Variants in PSD3 observed in about 807,000 individuals in gnomAD.
PSD3 encodes pleckstrin and Sec7 domain containing 3, also known as PH and SEC7 domain-containing protein 3.
A neutral mutation model predicts 105.5 loss-of-function variants in PSD3; 49 were observed. The observed-to-expected ratio is 0.46, with a 90% confidence interval of 0.37 to 0.59. The LOEUF is 0.59. PSD3 is among the 20% of genes least tolerant of loss of function. The pLI is 0.00. For missense variants in PSD3, 1,561 were observed against 1,263.8 expected (o/e 1.24, Z -3.57); for synonymous variants, 557 against 457.8 (o/e 1.22, Z -2.77).
intron 2 of PSD3, among the ~76,000 whole-genome samples, chr8:18,926,451 C>G (rs1821366983): frequency 6.6e-6 from 1 of 151,978 alleles, no homozygotes; most frequent in Non-Finnish European, 1.5e-5. Context: ...AATCCAAAAT[C>G]TGAACTCCTT....
At chr8:18,904,780 T>C (rs912064788) in intron 2 of PSD3, among the ~76,000 whole-genome samples, 2 of 152,212 alleles carry the variant, frequency 1.3e-5, no homozygotes, top group African/African-American at 2.4e-5. Context: ...CACGCAACTT[T>C]GCCATTGCAA....
At chr8:18,879,935 A>G (rs1252746385) in intron 2 of PSD3, among the ~76,000 whole-genome samples, 2 of 152,154 alleles carry the variant, frequency 1.3e-5, no homozygotes, top group Non-Finnish European at 2.9e-5. Context: ...GTTAACAAAT[A>G]TAATGAAGAA....
chr8:19,028,014 G>C (rs1194859329), intron 1 of PSD3, among the ~76,000 whole-genome samples: 1 of 152,104 alleles, frequency 6.6e-6, no homozygotes, highest in Non-Finnish European at 1.5e-5. Context: ...AAATCTGCCA[G>C]TTTTCCAAAG....
chr8:18,670,058 T>C (rs149230743), intron 9 of PSD3, among the ~76,000 whole-genome samples: 5 of 152,302 alleles, frequency 3.3e-5, no homozygotes, highest in African/African-American at 1.2e-4. Context: ...CACTTTCTGG[T>C]AGGCTACCAG....
intron 8 of PSD3, among the ~76,000 whole-genome samples, chr8:18,780,576 G>A (rs952069390): frequency 2.0e-5 from 3 of 151,736 alleles, no homozygotes; most frequent in Non-Finnish European, 2.9e-5. Context: ...TTGTGAGACC[G>A]ACACTCACTC....
intron 15 of PSD3, among the ~76,000 whole-genome samples, chr8:18,551,950 C>A (rs17694569): frequency 0.14 from 20,714 of 152,118 alleles, 1,645 homozygotes; most frequent in East Asian, 0.33. Flanking sequence ...AGAGCAATGA[C>A]ACTTACTGTA....
chr8:19,022,739 G>C (rs1827403511), intron 1 of PSD3, among the ~76,000 whole-genome samples: 1 of 152,170 alleles, frequency 6.6e-6, no homozygotes, highest in Non-Finnish European at 1.5e-5. Flanking sequence ...TCTTCCAGTG[G>C]AGAGTAGAGC....
intron 1 of PSD3, among the ~76,000 whole-genome samples, chr8:18,996,930 G>A (rs538820501): frequency 2.4e-4 from 36 of 151,636 alleles, no homozygotes; most frequent in Non-Finnish European, 4.7e-4. Context: ...TTTACTTCCC[G>A]GGAGAATCTG....
At chr8:18,629,154 T>C (rs1044678375) in intron 11 of PSD3, among the ~76,000 whole-genome samples, 2 of 152,114 alleles carry the variant, frequency 1.3e-5, no homozygotes, top group Non-Finnish European at 2.9e-5. Flanking sequence ...GTATTAATAT[T>C]AGACAAAGTA....
intron 11 of PSD3, among the ~76,000 whole-genome samples, chr8:18,616,558 C>T (rs1238958263): frequency 2.0e-5 from 3 of 151,854 alleles, no homozygotes; most frequent in Admixed American, 1.3e-4. Context: ...TTACCACCTA[C>T]TTGTGAGATT....
intron 11 of PSD3, among the ~76,000 whole-genome samples, chr8:18,623,770 G>T (rs976196836): frequency 5.3e-5 from 8 of 152,026 alleles, no homozygotes; most frequent in African/African-American, 1.9e-4. Context: ...GAAACCACTG[G>T]GTACTTGTCA....
chr8:18,605,236 G>A (rs371300541), intron 11 of PSD3, among the ~76,000 whole-genome samples: 3 of 152,196 alleles, frequency 2.0e-5, no homozygotes, highest in Admixed American at 6.5e-5. Context: ...CAGAGACAGA[G>A]CTGTCCAATG....
chr8:18,820,619 C>T (rs371348573), intron 4 of PSD3, among the ~76,000 whole-genome samples: 29 of 151,964 alleles, frequency 1.9e-4, no homozygotes, highest in African/African-American at 6.3e-4. Context: ...GAAAAAAATA[C>T]GAACATTCTC....
At chr8:18,989,212 A>T (rs1172625511) in intron 1 of PSD3, 1 of 152,206 alleles carries the variant, frequency 6.6e-6, no homozygotes, top group Non-Finnish European at 1.5e-5. Flanking sequence ...GACACTGCAC[A>T]ATGTTCTAGA....
chr8:18,660,383 T>C (rs559042899), intron 9 of PSD3, among the ~76,000 whole-genome samples: 1 of 152,098 alleles, frequency 6.6e-6, no homozygotes, highest in South Asian at 2.1e-4. Context: ...GCCTCTGCAA[T>C]TGTGAGAATG....
chr8:18,751,003 T>A (rs1805438364), intron 9 of PSD3, among the ~76,000 whole-genome samples: 3 of 152,162 alleles, frequency 2.0e-5, no homozygotes, highest in Admixed American at 2.0e-4. Context: ...GCACCGGGGC[T>A]GCAGGTGGAG....
chr8:18,990,161 C>T (rs775285584), intron 1 of PSD3, among the ~76,000 whole-genome samples: 4 of 152,246 alleles, frequency 2.6e-5, no homozygotes, highest in Non-Finnish European at 4.4e-5. Context: ...TGCTTCCTTT[C>T]TTGCCCTCTT....
chr8:18,876,310 T>C (rs1817731007), intron 2 of PSD3, among the ~76,000 whole-genome samples: 1 of 152,192 alleles, frequency 6.6e-6, no homozygotes, highest in Non-Finnish European at 1.5e-5. Context: ...GTTGATGAGA[T>C]ATTGGAGTTG....
At chr8:18,929,593 A>G (rs1329990923) in intron 2 of PSD3, among the ~76,000 whole-genome samples, 4 of 152,128 alleles carry the variant, frequency 2.6e-5, no homozygotes, top group Non-Finnish European at 5.9e-5. Context: ...GCCCTCTTCT[A>G]TATGAAGGGA....
Sources: allele counts gnomAD v4.1 joint callset (sites outside exome capture counted in the v4.1 genomes callset), GRCh38; gene constraint gnomAD v4.1.1; transcripts MANE v1.5; gene names NCBI Gene and HGNC (gene_info 2026-07-23, HGNC 2026-07-21).